SFMBT2: variants seen among roughly 807,000 people sequenced by gnomAD.
The protein encoded by SFMBT2 is Scm like with four mbt domains 2.
In SFMBT2, 38 loss-of-function variants were observed where a neutral mutation model predicts 110.1. The ratio of observed to expected loss-of-function variants is 0.35; its 90% CI spans 0.27 to 0.45. The LOEUF (loss-of-function observed/expected upper bound fraction) is 0.45. Among genes scored for constraint, SFMBT2 ranks in the 20% least tolerant of loss-of-function variants. SFMBT2 has a pLI of 1.00. For synonymous variants in SFMBT2, 425 were observed against 425.4 expected (o/e 1.00, Z 0.01); for missense variants, 1,011 against 1,094.9 (o/e 0.92, Z 1.08).
intron 16 of SFMBT2, among the ~76,000 whole-genome samples, chr10:7,177,868 A>AAAAAG (rs545651948): frequency 2.6e-5 from 4 of 151,122 alleles, no homozygotes; most frequent in Non-Finnish European, 5.9e-5. Context: ...TTAAAAAAAA[A>AAAAAG]AAGAAGAAGA....
chr10:7,237,979 C>T (rs565006839), intron 9 of SFMBT2, among the ~76,000 whole-genome samples: 1 of 152,122 alleles, frequency 6.6e-6, no homozygotes, highest in Non-Finnish European at 1.5e-5. Flanking sequence ...ATGAGAGTGA[C>T]TGGGACAGAC....
intron 6 of SFMBT2, chr10:7,277,497 T>C (rs1351531196): frequency 3.5e-5 from 8 of 227,124 alleles, no homozygotes; most frequent in Non-Finnish European, 5.9e-5. Flanking sequence ...TATTAAAAGG[T>C]AAATTAAAAT....
In SFMBT2 at chr10:7,327,795, A is replaced by C. The variant is rs149585011; in HGVS notation, c.436+39854T>G. ...AAGATTATTCTCCATGGTTGTATCA[A>C]TAGTTCTTTCAACTTTTTTGCTGAG... On this transcript the variant is annotated intron_variant, in intron 4 of 20. Coordinates refer to ENST00000397167, the MANE Select transcript of SFMBT2 (RefSeq NM_001387889.1). Among the ~76,000 whole-genome samples the C allele has an allele frequency of 7.9e-5, 12 of 152,314 alleles. No individual in the cohort carries two copies. The East Asian group carries it at 2.1e-3, about 27-fold the overall frequency.
intron 7 of SFMBT2, among the ~76,000 whole-genome samples, chr10:7,254,300 A>G (rs1820517221): frequency 6.6e-6 from 1 of 152,192 alleles, no homozygotes; most frequent in South Asian, 2.1e-4. Flanking sequence ...CGCACAGGAG[A>G]CTAACAGCTA....
intron 16 of SFMBT2, among the ~76,000 whole-genome samples, chr10:7,182,221 A>G (rs1405078796): frequency 6.6e-6 from 1 of 152,130 alleles, no homozygotes; most frequent in Non-Finnish European, 1.5e-5. Context: ...TATTTTTAGT[A>G]GAGATGGTGT....
At chr10:7,351,946 A>G (rs1188150949) in intron 4 of SFMBT2, among the ~76,000 whole-genome samples, 1 of 152,068 alleles carries the variant, frequency 6.6e-6, no homozygotes, top group Admixed American at 6.5e-5. Flanking sequence ...AGCGTTTGCC[A>G]TCAAACCGAG....
chr10:7,369,106 T>C (rs1313462495), intron 3 of SFMBT2, among the ~76,000 whole-genome samples: 5 of 152,162 alleles, frequency 3.3e-5, no homozygotes, highest in African/African-American at 1.2e-4. Flanking sequence ...AGTAGGAGGA[T>C]AGCTTGAGCC....
Position 7,411,007 on chromosome 10 carries a change from C to G in SFMBT2, c.-198G>C, listed in dbSNP as rs1846365052. 6.7e-6 allele frequency among the ~76,000 whole-genome samples: 1 copy of G among 150,122 alleles called. No homozygotes were observed. Among genetic ancestry groups the G allele is most frequent in the African/African-American group, 2.4e-5 (1 of 40,968 alleles). On this transcript the variant is annotated 5_prime_UTR_variant, in exon 1 of 21. Transcript: ENST00000397167. ...CCCTCGCGCGCCCGCTCCGGTCCTC[C>G]GGCTCCCACTACAGCTCATTCCAAT...
chr10:7,324,678 G>A (rs894247501), intron 4 of SFMBT2, among the ~76,000 whole-genome samples: 1 of 152,224 alleles, frequency 6.6e-6, no homozygotes, highest in South Asian at 2.1e-4. Context: ...TAGACTGGGT[G>A]TCTTAAACAG....
At chr10:7,355,805 C>T (rs1324329918) in intron 4 of SFMBT2, among the ~76,000 whole-genome samples, 1 of 152,148 alleles carries the variant, frequency 6.6e-6, no homozygotes, top group African/African-American at 2.4e-5. Flanking sequence ...AGGTGCAACT[C>T]TGTCTCAAAA....
chr10:7,285,366 C>T (rs971618856), intron 5 of SFMBT2: 2 of 152,284 alleles, frequency 1.3e-5, no homozygotes, highest in African/African-American at 4.8e-5. Context: ...GCCATTTCTC[C>T]TCTTGTTTTT....
chr10:7,206,778 T>TA (rs1355181882), intron 11 of SFMBT2: 1 of 853,926 alleles, frequency 1.2e-6, no homozygotes, highest in Non-Finnish European at 1.4e-6. Context: ...TGGAACTAGT[T>TA]AAAAGAAGAA....
intron 4 of SFMBT2, among the ~76,000 whole-genome samples, chr10:7,327,496 C>A (rs1588451923): frequency 6.6e-6 from 1 of 152,124 alleles, no homozygotes; most frequent in Non-Finnish European, 1.5e-5. Context: ...GCCTGGCCAA[C>A]ATGGTGAAAC....
rs746680078 is a variant in SFMBT2, at chr10:7,367,894, A to C, written c.196-5T>G. On this transcript the variant is annotated splice_region_variant and splice_polypyrimidine_tract_variant and intron_variant, in intron 3 of 20. Coordinates refer to ENST00000397167, the MANE Select transcript of SFMBT2 (RefSeq NM_001387889.1). The surrounding 1 kb of genome is among the most constrained non-coding windows in gnomAD (Gnocchi z 6.2). ...GCTCTGAATGCTGATTTCAACCTTA[A>C]GGAATCAGAAATAGAGAAAACCCAT... 2.9e-5 allele frequency: 46 copies of C among 1,613,730 alleles called. No homozygotes were observed. Among genetic ancestry groups the C allele is most frequent in the Non-Finnish European group, 3.7e-5 (44 of 1,179,836 alleles).
At position 7,172,194 on chromosome 10, in the gene SFMBT2, G is replaced by T; in HGVS notation, c.2152-36C>A. 6.6e-7 allele frequency: 1 copy of T among 1,520,694 alleles called. No homozygotes were observed. The highest frequency in any genetic ancestry group is 8.8e-7 in the Non-Finnish European group (1 of 1,134,080). The allele number at this position is 1,520,694 out of a possible 1,614,324, so 94.2% of individuals were successfully genotyped here. A position where few individuals can be genotyped will look rare whatever the true frequency, so the allele number is the denominator to read the frequency against. On this transcript the variant is annotated intron_variant, in intron 18 of 20. Transcript: ENST00000397167. The surrounding 1 kb of genome is among the most constrained non-coding windows in gnomAD (Gnocchi z 4.6). ...GGAAAAGGCATTTAAGGGGCTGGTGGCCCGGGGGCCTGTAGCGGTGGCCCC... is the reference window on the plus strand; with the variant it reads ...GGAAAAGGCATTTAAGGGGCTGGTGTCCCGGGGGCCTGTAGCGGTGGCCCC...
intron 11 of SFMBT2, chr10:7,214,805 A>G (rs1389821746): frequency 1.0e-6 from 1 of 972,960 alleles, no homozygotes; most frequent in African/African-American, 1.8e-5. Context: ...ACCCATTCAA[A>G]GCACAAAAAC....
chr10:7,305,879 C>T (rs1842679101), intron 4 of SFMBT2, among the ~76,000 whole-genome samples: 1 of 152,232 alleles, frequency 6.6e-6, no homozygotes, highest in East Asian at 1.9e-4. Context: ...ACAGCAGGAA[C>T]AGTGTGGGGA....
At chr10:7,285,014 T>C (rs1426391269) in intron 5 of SFMBT2, 3 of 152,188 alleles carry the variant, frequency 2.0e-5, no homozygotes, top group Admixed American at 2.0e-4. Flanking sequence ...GTTAACTATA[T>C]TAGACTATGA....
At chr10:7,353,792 T>A (rs1318517560) in intron 4 of SFMBT2, among the ~76,000 whole-genome samples, 3 of 152,144 alleles carry the variant, frequency 2.0e-5, no homozygotes, top group African/African-American at 7.2e-5. Context: ...ACATTTAAAA[T>A]TATACATAAT....
Sources: gnomAD v4.1 joint callset for allele counts (sites outside exome capture counted in the v4.1 genomes callset) on GRCh38, gnomAD v4.1.1 for gene constraint, Gnocchi (gnomAD v3.1) non-coding constraint, MANE v1.5 for transcripts, NCBI Gene and HGNC (gene_info 2026-07-23, HGNC 2026-07-21) for gene names.